The following TNS3 variants were observed in gnomAD, a reference collection of about 807,000 sequenced individuals.
TNS3 encodes tensin-3.
TNS3 carries 45 observed loss-of-function variants against 140.9 expected under a neutral mutation model. The observed-to-expected ratio is 0.32, with a 90% CI of 0.25 to 0.41. TNS3 has a LOEUF of 0.41. TNS3 is among the 10% of genes least tolerant of loss of function. The pLI, the probability that TNS3 is intolerant of heterozygous loss-of-function variation, is 1.00. For synonymous variants in TNS3, 815 were observed against 788.4 expected (o/e 1.03, Z -0.56); for missense variants, 1,716 against 1,906.7 (o/e 0.90, Z 1.86).
chr7:47,283,937 A>G (rs191116486), intron 27 of TNS3, 72 bp from the exon 28 acceptor site: 93 of 1,394,426 alleles, frequency 6.7e-5, no homozygotes, highest in Non-Finnish European at 8.4e-5. Context: ...ACACACAGGC[A>G]GTTGCTGATG....
At position 47,568,275 on chromosome 7, in the gene TNS3, G is replaced by A. The variant is rs139724667; in HGVS notation, c.-265+13776C>T. Among the ~76,000 whole-genome samples the A allele has an allele frequency of 9.7e-4, 148 of 152,298 alleles. 3 individuals are homozygous for A. In the East Asian group the frequency reaches 0.024, roughly 24 times the overall value. On this transcript the variant is annotated intron_variant, in intron 1 of 30. Transcript: ENST00000311160. ...ATAGTCCTGAGCAGGCCACGGGATC[G>A]TCTTCCTTCACCTTCGAGATGCAGC... is the stretch of plus-strand genomic sequence containing the variant.
At chr7:47,383,129 G>A (rs967190316) in intron 16 of TNS3, among the ~76,000 whole-genome samples, 1 of 152,330 alleles carries the variant, frequency 6.6e-6, no homozygotes, top group East Asian at 1.9e-4. Context: ...CACAGGCAAC[G>A]TTATTCATAC....
intron 20 of TNS3, among the ~76,000 whole-genome samples, chr7:47,313,745 G>A (rs1787239861): frequency 6.6e-6 from 1 of 152,098 alleles, no homozygotes; most frequent in Admixed American, 6.5e-5. Flanking sequence ...ATGGCGCCTG[G>A]GAATTTCACC....
At chr7:47,394,933 G>A (rs1466434490) in intron 16 of TNS3, among the ~76,000 whole-genome samples, 1 of 152,242 alleles carries the variant, frequency 6.6e-6, no homozygotes, top group Non-Finnish European at 1.5e-5. Context: ...CACCCAATGA[G>A]GGACTGAGCA....
rs571918436 is a variant in TNS3 at position 47,379,413 on chromosome 7, A to G, written c.1025-9792T>C. Among the ~76,000 whole-genome samples, 7 of 152,344 alleles carry G rather than the reference A, an allele frequency of 4.6e-5. No individual in the cohort carries two copies. In the South Asian group the frequency reaches 1.4e-3, roughly 32 times the overall value. ...TACAATAGAATTCTGACTCTTTGCT[A>G]ATTAATGATTTTTGGAGTTTTTATT... On this transcript the variant is annotated intron_variant, in intron 16 of 30. Transcript: ENST00000311160.
chr7:47,346,475 C>T, intron 17 of TNS3, 119 bp from the exon 18 acceptor site: 1 of 1,244,130 alleles, frequency 8.0e-7, no homozygotes, highest in South Asian at 1.5e-5. Flanking sequence ...CTGGTCACCA[C>T]TGCTCTGGGA....
chr7:47,569,554 A>G (rs935347676), intron 1 of TNS3, among the ~76,000 whole-genome samples: 3 of 147,086 alleles, frequency 2.0e-5, no homozygotes, highest in African/African-American at 7.6e-5. Flanking sequence ...AAACACACAT[A>G]CATACATATT....
chr7:47,543,688 C>T (rs544040151), intron 1 of TNS3, among the ~76,000 whole-genome samples: 1 of 151,932 alleles, frequency 6.6e-6, no homozygotes. Flanking sequence ...CAGTAGATAA[C>T]GTGATGAATG....
At chr7:47,312,569 G>A (rs538240596) in intron 20 of TNS3, among the ~76,000 whole-genome samples, 115 of 152,098 alleles carry the variant, frequency 7.6e-4, no homozygotes, top group African/African-American at 2.7e-3. Flanking sequence ...TGGGTGTGGT[G>A]GTGTGTGCCT....
chr7:47,425,532 C>A (rs996995443), intron 9 of TNS3, among the ~76,000 whole-genome samples: 3 of 152,134 alleles, frequency 2.0e-5, no homozygotes. Flanking sequence ...CAACTTGCTA[C>A]GTGCATTTGC....
chr7:47,385,596 A>G (rs1792029355), intron 16 of TNS3, among the ~76,000 whole-genome samples: 1 of 152,162 alleles, frequency 6.6e-6, no homozygotes, highest in Admixed American at 6.5e-5. Context: ...AGAAGGTGAC[A>G]CTCTGCCTTC....
rs1791000164 is a variant in TNS3, at chr7:47,370,501, A to G, written c.1025-880T>C. 2.0e-5 allele frequency among the ~76,000 whole-genome samples: 3 copies of G among 152,166 alleles called. 1 individual carries two copies. In the South Asian group the frequency reaches 6.2e-4, roughly 32 times the overall value. The stretch of plus-strand genomic sequence containing the variant: ...TGTCAGGAAAATGAAACTTTGAACT[A>G]AAGTGTGGGCAGGAAGGGCTGAAGC... On this transcript the variant is annotated intron_variant, in intron 16 of 30. Coordinates refer to ENST00000311160, the MANE Select transcript of TNS3 (RefSeq NM_022748.12).
At chr7:47,552,202 C>T (rs1488983609) in intron 1 of TNS3, among the ~76,000 whole-genome samples, 1 of 152,022 alleles carries the variant, frequency 6.6e-6, no homozygotes, top group Non-Finnish European at 1.5e-5. Flanking sequence ...AAAAGGAATG[C>T]TTAGGGATGC....
intron 4 of TNS3, 38 bp downstream of exon 4, chr7:47,481,065 G>A (rs1398766885): frequency 1.6e-6 from 2 of 1,287,368 alleles, no homozygotes; most frequent in African/African-American, 1.5e-5. Flanking sequence ...TCCTTTCTTG[G>A]ATGGAACAAG....
intron 1 of TNS3, among the ~76,000 whole-genome samples, chr7:47,575,822 C>CAAA (rs10553927): frequency 3.7e-4 from 25 of 68,274 alleles, no homozygotes; most frequent in South Asian, 7.0e-4. Context: ...GACTCTGCCT[C>CAAA]AAAAAAAAAA....
chr7:47,425,494 T>C (rs1474501694), intron 9 of TNS3, among the ~76,000 whole-genome samples: 1 of 152,120 alleles, frequency 6.6e-6, no homozygotes, highest in Non-Finnish European at 1.5e-5. Flanking sequence ...GAGTGTGATT[T>C]GACTTTCACA....
At chr7:47,386,180 C>G (rs920603736) in intron 16 of TNS3, among the ~76,000 whole-genome samples, 1 of 152,216 alleles carries the variant, frequency 6.6e-6, no homozygotes, top group Admixed American at 6.5e-5. Flanking sequence ...AAACACTAAA[C>G]ACATCTCTGG....
At chr7:47,455,267 G>A (rs1034955889) in intron 4 of TNS3, among the ~76,000 whole-genome samples, 2 of 152,102 alleles carry the variant, frequency 1.3e-5, no homozygotes, top group Admixed American at 1.3e-4. Context: ...ACCCCAGCCT[G>A]GCCAACTCTG....
At chr7:47,404,495 C>T (rs968293332) in intron 13 of TNS3, among the ~76,000 whole-genome samples, 3 of 152,154 alleles carry the variant, frequency 2.0e-5, no homozygotes, top group African/African-American at 7.2e-5. Context: ...ATGATGATCT[C>T]AATGGGAAGG....
Sources: gnomAD v4.1 joint callset for allele counts (sites outside exome capture counted in the v4.1 genomes callset) on GRCh38, gnomAD v4.1.1 for gene constraint, MANE v1.5 for transcripts, NCBI Gene and HGNC (gene_info 2026-07-23, HGNC 2026-07-21) for gene names.